PPWD1: variants seen among roughly 807,000 people sequenced by gnomAD.
PPWD1 encodes the protein peptidylprolyl isomerase domain and WD repeat containing 1, also known as peptidylprolyl isomerase domain and WD repeat-containing protein 1.
A neutral mutation model predicts 68.8 loss-of-function variants in PPWD1; 43 were observed. That is an observed-to-expected ratio of 0.62 (90% CI 0.49 to 0.81). The LOEUF (loss-of-function observed/expected upper bound fraction) is 0.81, where lower values mean the gene tolerates loss of function less well. PPWD1 is among the 30% of genes least tolerant of loss of function. The pLI, the probability that PPWD1 is intolerant of heterozygous loss-of-function variation, is 0.00. For missense variants in PPWD1, 672 were observed against 804.8 expected, an observed-to-expected ratio of 0.83 and a Z score of 2.00; for synonymous variants, 232 against 258.7, an observed-to-expected ratio of 0.90 and a Z score of 0.99.
chr5:65,574,154 G>A (rs566838789), intron 5 of PPWD1, among the ~76,000 whole-genome samples: 3 of 152,238 alleles, frequency 2.0e-5, no homozygotes, highest in Admixed American at 6.5e-5. Flanking sequence ...TTGGTGGCAC[G>A]TGGTAATAAA....
intron 9 of PPWD1, 26 bp from the exon 10 acceptor site, chr5:65,585,973 A>G (rs1753824698): frequency 6.2e-7 from 1 of 1,607,824 alleles, no homozygotes. Flanking sequence ...AGGACAATGT[A>G]ATGTTTTTGT....
At chr5:65,587,096 G>C (rs1038730040) in intron 10 of PPWD1, 157 bp from the exon 11 acceptor site, 2 of 482,502 alleles carry the variant, frequency 4.1e-6, no homozygotes, top group African/African-American at 4.2e-5. Flanking sequence ...ACTTTTAAAA[G>C]CTGCTACATT....
chr5:65,569,489 T>C, intron 2 of PPWD1, 143 bp from the exon 3 acceptor site: 4 of 938,714 alleles, frequency 4.3e-6, no homozygotes, highest in Middle Eastern at 3.5e-4. Flanking sequence ...TTCTGTAATA[T>C]AGTGGTCTGC....
At chr5:65,577,917 C>G (rs1391360722) in intron 6 of PPWD1, among the ~76,000 whole-genome samples, 1 of 152,170 alleles carries the variant, frequency 6.6e-6, no homozygotes, top group Non-Finnish European at 1.5e-5. Context: ...AGGGTTCACC[C>G]TTGGTGTTGT....
intron 8 of PPWD1, 73 bp from the exon 9 acceptor site, chr5:65,584,941 A>G: frequency 6.5e-7 from 1 of 1,544,718 alleles, no homozygotes; most frequent in South Asian, 1.3e-5. Context: ...CATCATTAGG[A>G]AGCAGAACTG....
chr5:65,569,620 TCATATATG>T lies in PPWD1; in HGVS notation c.300-9_300-2del. The stretch of plus-strand genomic sequence containing the variant: ...GTCTTAGAAATTAACTTTTAACATT[TCATATATG>T]CAGAACAGATTTTATTATTACTGCC... On this transcript the variant is annotated splice_polypyrimidine_tract_variant and splice_region_variant and intron_variant, in intron 2 of 10. Transcript: ENST00000261308. 6.4e-7 allele frequency: 1 copy of T among 1,552,410 alleles called. No individual in the cohort carries two copies. Among genetic ancestry groups the T allele is most frequent in the Non-Finnish European group, 8.8e-7 (1 of 1,135,898 alleles).
Position 65,586,199 on chromosome 5 carries a change from G to GT in PPWD1, c.1797+21dup, listed in dbSNP as rs1280992539. 2 of 1,598,046 alleles carry GT rather than the reference G, an allele frequency of 1.3e-6. No individual in the cohort carries two copies. The highest frequency in any genetic ancestry group is 4.5e-5 in the East Asian group (2 of 44,718). ...TACCAACGGTAAGTACAGTATCATT[G>GT]TTTATAAACTACAGATTGATAGGTT... On this transcript the variant is annotated intron_variant, in intron 10 of 10. Transcript: ENST00000261308.
intron 9 of PPWD1, 50 bp downstream of exon 9, chr5:65,585,145 AGCAAGAGATTTAAGC>A (rs1369623948): frequency 1.3e-6 from 2 of 1,518,366 alleles, no homozygotes; most frequent in Admixed American, 3.5e-5. Flanking sequence ...ATTATTACAT[AGCAAGAGATTTAAGC>A]GCAAGGAATC....
intron 5 of PPWD1, among the ~76,000 whole-genome samples, chr5:65,575,331 C>T (rs1310701715): frequency 6.6e-6 from 1 of 152,204 alleles, no homozygotes; most frequent in East Asian, 1.9e-4. Flanking sequence ...CTATTCCTGG[C>T]ACATGAATAA....
intron 1 of PPWD1, 182 bp downstream of exon 1, chr5:65,563,688 A>G: frequency 4.4e-6 from 6 of 1,366,140 alleles, no homozygotes; most frequent in Non-Finnish European, 6.0e-6. Flanking sequence ...TAAGCGTAGT[A>G]CAACGTCTTT....
At chr5:65,564,579 A>G (rs1201125645) in intron 1 of PPWD1, among the ~76,000 whole-genome samples, 5 of 152,078 alleles carry the variant, frequency 3.3e-5, no homozygotes. Flanking sequence ...TCGGCCTCTC[A>G]AAAGTGCTGG....
At chr5:65,577,611 T>C (rs1753358746) in intron 6 of PPWD1, among the ~76,000 whole-genome samples, 1 of 152,234 alleles carries the variant, frequency 6.6e-6, no homozygotes, top group Non-Finnish European at 1.5e-5. Flanking sequence ...CATATTTATA[T>C]TGTAGTTCTT....
intron 5 of PPWD1, among the ~76,000 whole-genome samples, chr5:65,574,533 G>A (rs959138558): frequency 1.5e-4 from 22 of 144,924 alleles, no homozygotes; most frequent in African/African-American, 5.2e-4. Flanking sequence ...GCTCAATCGC[G>A]GCTCACTGCA....
rs746334985 is a variant in PPWD1 at position 65,586,034 on chromosome 5, T to C, written c.1650T>C (p.Thr550=). 1.9e-6 allele frequency: 3 copies of C among 1,613,400 alleles called. No individual in the cohort carries two copies. The highest frequency in any genetic ancestry group is 2.5e-6 in the Non-Finnish European group (3 of 1,179,430). ...FMIQTGDPTG[T]GMGGESIWGG... The stretch of plus-strand genomic sequence containing the variant: ...TTCAGACTGGAGATCCAACAGGTAC[T>C]GGTATGGGAGGAGAAAGCATATGGG... The change falls in exon 10 of 11, where the codon ACT becomes ACC. Residue 550 remains threonine (T), a synonymous_variant. Transcript: ENST00000261308.
At chr5:65,571,705 C>G (rs771054321) in intron 4 of PPWD1, 134 bp from the exon 5 acceptor site, 1 of 1,384,470 alleles carries the variant, frequency 7.2e-7, no homozygotes. Context: ...CATTCTGTGT[C>G]TCTGCTACTT....
chr5:65,585,072 C>G lies in PPWD1; in HGVS notation c.1591C>G (p.His531Asp). ...VHSRNGYYNG[H>D]TFHRIIKGFM... ...CAGCAGAAATGGTTATTATAATGGGCATACATTTCACCGTATAATTAAGGT... is the reference window on the plus strand; with the variant it reads ...CAGCAGAAATGGTTATTATAATGGGGATACATTTCACCGTATAATTAAGGT... Residue 531 changes from histidine (H) to aspartate (D), a missense_variant, in exon 9 of 11, where the codon CAT becomes GAT. Around this residue, in one of 2 missense-constraint regions of PPWD1, gnomAD observed 484 missense variants for 646.2 expected, o/e 0.75. Coordinates refer to ENST00000261308, the MANE Select transcript of PPWD1 (RefSeq NM_015342.4). 6.2e-7 allele frequency: 1 copy of G among 1,611,538 alleles called. No individual in the cohort carries two copies. The highest frequency in any genetic ancestry group is 8.5e-7 in the Non-Finnish European group (1 of 1,177,952).
intron 2 of PPWD1, chr5:65,567,954 A>G (rs1752850340): frequency 1.1e-5 from 2 of 174,918 alleles, no homozygotes; most frequent in East Asian, 3.1e-4. Context: ...ATGTGGGCTA[A>G]CATACCCTAG....
In PPWD1 at chr5:65,579,617, T is replaced by C. The variant is rs1211086397; in HGVS notation, c.1350+4T>C. 6.5e-7 allele frequency: 1 copy of C among 1,544,356 alleles called. No homozygotes were observed. The highest frequency in any genetic ancestry group is 8.7e-7 in the Non-Finnish European group (1 of 1,148,234). On this transcript the variant is annotated splice_donor_region_variant and intron_variant, in intron 7 of 10. Coordinates refer to ENST00000261308, the MANE Select transcript of PPWD1 (RefSeq NM_015342.4). ...CAAAAAGAATAGATTTTATATGGTATGTGTAAGTACTAGGAGATTAGACGG... is the reference window on the plus strand; with the variant it reads ...CAAAAAGAATAGATTTTATATGGTACGTGTAAGTACTAGGAGATTAGACGG...
chr5:65,576,264 C>G, intron 5 of PPWD1: 1 of 945,542 alleles, frequency 1.1e-6, no homozygotes, highest in South Asian at 4.9e-5. Flanking sequence ...AAGTGCTACT[C>G]TGTGACTTTT....
Sources: gnomAD v4.1 joint callset for allele counts (sites outside exome capture counted in the v4.1 genomes callset) on GRCh38, gnomAD v4.1.1 for gene constraint, gnomAD v4.1.1 regional missense constraint, MANE v1.5 for transcripts, NCBI Gene and HGNC (gene_info 2026-07-23, HGNC 2026-07-21) for gene names.